GON4L: variants seen among roughly 807,000 people sequenced by gnomAD.
The protein encoded by GON4L is gon-4 like.
A neutral mutation model predicts 211.8 loss-of-function variants in GON4L; 87 were observed. That is an observed-to-expected ratio of 0.41 (90% confidence interval 0.35 to 0.49). The LOEUF (loss-of-function observed/expected upper bound fraction) is 0.49. Among genes scored for constraint, GON4L ranks in the 20% least tolerant of loss-of-function variants. GON4L has a pLI of 0.15. For missense variants in GON4L, 2,155 were observed against 2,659.5 expected, an observed-to-expected ratio of 0.81 and a Z score of 4.17; for synonymous variants, 875 against 962.6, an observed-to-expected ratio of 0.91 and a Z score of 1.68.
downstream of GON4L, chr1:155,749,540 G>C: frequency 2.9e-6 from 4 of 1,403,134 alleles, no homozygotes; most frequent in Non-Finnish European, 2.9e-6. Context: ...ATCTGCTGCT[G>C]ACTCCCTGCA....
intron 12 of GON4L, among the ~76,000 whole-genome samples, chr1:155,790,756 C>T (rs541255654): frequency 1.2e-4 from 18 of 150,868 alleles, no homozygotes; most frequent in African/African-American, 2.4e-4. Flanking sequence ...CCATCCTGGC[C>T]AACATGGTGA....
rs79155673 is a variant in GON4L, at chr1:155,856,579, G to A, written c.-27+568C>T. On this transcript the variant is annotated intron_variant, in intron 1 of 31. Transcript: ENST00000368331. ...TCCCTTCTGTTTCTCCAAGACATTA[G>A]GGGAGATTCTCCATCCCCTCAATCA... Among the ~76,000 whole-genome samples the A allele has an allele frequency of 2.1e-3, 319 of 152,128 alleles. 1 individual carries two copies. The highest frequency in any genetic ancestry group is 6.8e-3 in the Middle Eastern group (2 of 294).
chr1:155,816,733 A>G (rs887252542), intron 6 of GON4L, among the ~76,000 whole-genome samples: 4 of 132,804 alleles, frequency 3.0e-5, no homozygotes, highest in African/African-American at 1.1e-4. Context: ...TATTCTGCCT[A>G]TGGGGTAGCC....
intron 29 of GON4L, 87 bp downstream of exon 29, chr1:155,753,117 T>C (rs1660791724): frequency 2.0e-6 from 2 of 1,005,354 alleles, no homozygotes; most frequent in Non-Finnish European, 3.1e-6. Flanking sequence ...CTGAAAAGGC[T>C]ATTTATCCAG....
intron 2 of GON4L, among the ~76,000 whole-genome samples, chr1:155,837,159 T>C (rs1339704840): frequency 7.7e-6 from 1 of 129,900 alleles, no homozygotes; most frequent in African/African-American, 2.7e-5. Flanking sequence ...TCATAAATTT[T>C]CTTTTCTGCA....
At chr1:155,851,247 G>A (rs1443817210) in intron 2 of GON4L, among the ~76,000 whole-genome samples, 9 of 151,430 alleles carry the variant, frequency 5.9e-5, no homozygotes, top group Non-Finnish European at 1.0e-4. Context: ...CCAGCTACTC[G>A]GGAGGCTGAG....
At chr1:155,780,811 G>A (rs1334569703) in intron 14 of GON4L, among the ~76,000 whole-genome samples, 3 of 152,082 alleles carry the variant, frequency 2.0e-5, no homozygotes, top group African/African-American at 7.2e-5. Flanking sequence ...ACCTGCTGAT[G>A]TAGTTACAAC....
At chr1:155,821,401 G>A (rs1324882854) in intron 5 of GON4L, 73 bp downstream of exon 5, 2 of 893,528 alleles carry the variant, frequency 2.2e-6, no homozygotes, top group African/African-American at 1.6e-5. Context: ...ACTCCTAAGT[G>A]ACCTCCTACC....
chr1:155,795,046 T>C lies in GON4L; in HGVS notation c.1747+4A>G. On this transcript the variant is annotated splice_donor_region_variant and intron_variant, in intron 12 of 31. Transcript: ENST00000368331. The stretch of plus-strand genomic sequence containing the variant: ...AGCAGGACTTAGAATAAACACAGAC[T>C]CACTGGTGATTCTCACTGCCCGGTC... The C allele has an allele frequency of 6.7e-7, 1 of 1,499,060 alleles. No homozygotes were observed. Among genetic ancestry groups the C allele is most frequent in the Non-Finnish European group, 9.3e-7 (1 of 1,074,862 alleles). 92.9% of individuals were successfully genotyped at this position (1,499,060 alleles called of 1,614,324 possible).
chr1:155,788,055 G>A (rs796930239), intron 12 of GON4L, among the ~76,000 whole-genome samples: 7 of 152,118 alleles, frequency 4.6e-5, no homozygotes, highest in African/African-American at 1.7e-4. Flanking sequence ...GCGGTGGCGC[G>A]GTCTCAGCTC....
Position 155,816,230 on chromosome 1 carries a change from CT to C in GON4L, c.1046del (p.Lys349ArgfsTer61). The C allele has an allele frequency of 7.5e-7, 1 of 1,342,270 alleles. No individual in the cohort carries two copies. The highest frequency in any genetic ancestry group is 1.1e-6 in the Non-Finnish European group (1 of 934,038). The allele number at this position is 1,342,270 out of a possible 1,614,324, so 83.1% of individuals were successfully genotyped here. A position where few individuals can be genotyped will look rare whatever the true frequency, so the allele number is the denominator to read the frequency against. On this transcript the variant is annotated frameshift_variant, in exon 7 of 32. Coordinates refer to ENST00000368331, the MANE Select transcript of GON4L (RefSeq NM_001282860.2). LOFTEE classifies it high-confidence loss of function. ...AGTTTACCTTAATTTCATTGGCCTT[CT>C]TAATTGGTGAAATATTCCATGTTGG... is the stretch of plus-strand genomic sequence containing the variant. ...VIPTWNISPI[K>X]KANEIKPPQF...
intron 18 of GON4L, 21 bp downstream of exon 18, chr1:155,773,045 T>G: frequency 6.2e-7 from 1 of 1,611,612 alleles, no homozygotes; most frequent in Non-Finnish European, 8.5e-7. Flanking sequence ...GCTGTTTTGA[T>G]CCCCCAGAGT....
chr1:155,765,527 G>C lies in GON4L; in HGVS notation c.3946C>G (p.Pro1316Ala). 1 of 1,614,148 alleles carries C rather than the reference G, an allele frequency of 6.2e-7. No individual in the cohort carries two copies. Among genetic ancestry groups the C allele is most frequent in the Non-Finnish European group, 8.5e-7 (1 of 1,180,026 alleles). Residue 1316 changes from proline (P) to alanine (A), a missense_variant, in exon 21 of 32, where the codon CCT (proline) becomes GCT (alanine). Physicochemically the swap from Pro to Ala is conservative, Grantham distance 27. Coordinates refer to ENST00000368331, the MANE Select transcript of GON4L (RefSeq NM_001282860.2). ...ATTTCCTCTAAATCCCCAGGGGTAG[G>C]GTTGTTTAGAGACTCCTGGATGCCC... ...PQGIQESLNN[P>A]TPGDLEEIVK...
At chr1:155,773,344 C>G in intron 17 of GON4L, 134 bp from the exon 18 acceptor site, 3 of 965,954 alleles carry the variant, frequency 3.1e-6, no homozygotes, top group Non-Finnish European at 1.6e-6. Context: ...TGCCCACCAT[C>G]CCCCCAAAAG....
Position 155,845,718 on chromosome 1 carries a change from G to A in GON4L, c.505+7558C>T, listed in dbSNP as rs12139448. On this transcript the variant is annotated intron_variant, in intron 2 of 31. Transcript: ENST00000368331. The stretch of plus-strand genomic sequence containing the variant: ...AATGAAATCATGAAAAGATACTGCC[G>A]TAACTCAGTATTGGTCACTAGTGAC... 222 of 297,146 alleles carry A rather than the reference G, an allele frequency of 7.5e-4. 1 individual carries two copies. The highest frequency in any genetic ancestry group is 4.4e-3 in the African/African-American group (200 of 45,334). 18.4% of individuals were successfully genotyped at this position (297,146 alleles called of 1,614,324 possible).
intron 2 of GON4L, among the ~76,000 whole-genome samples, chr1:155,843,848 G>A (rs985161968): frequency 5.3e-5 from 8 of 152,074 alleles, no homozygotes; most frequent in African/African-American, 1.4e-4. Context: ...AAAAATGGAC[G>A]GCATAACTTG....
At chr1:155,820,678 G>A (rs1462744690) in intron 5 of GON4L, 22 bp from the exon 6 acceptor site, 1 of 1,573,982 alleles carries the variant, frequency 6.4e-7, no homozygotes, top group Admixed American at 1.7e-5. Context: ...AAAACAGAAA[G>A]GAAATCCTCA....
rs623440 is a variant in GON4L at position 155,752,543 on chromosome 1, C to G, written c.5890G>C (p.Val1964Leu). The G allele has an allele frequency of 1.8e-4, 295 of 1,603,804 alleles. 1 individual carries two copies. The highest frequency in any genetic ancestry group is 1.2e-3 in the African/African-American group (93 of 74,820). The stretch of plus-strand genomic sequence containing the variant: ...CCATCCAGGAGGAGCCGTTCTGTAA[C>G]AGTCACTTCTCGAGGGGATGGCAAA... Reference protein sequence around the residue: ...STLPSPREVTVTERLLLDGPP... With the variant: ...STLPSPREVTLTERLLLDGPP... Residue 1964 changes from valine (V) to leucine (L), a missense_variant, in exon 30 of 32, where the codon GTT (valine) becomes CTT (leucine). Physicochemically the swap from Val to Leu is conservative, Grantham distance 32 (BLOSUM62 1). This residue lies in a region of GON4L where 455 missense variants were observed against 504.6 expected (regional missense o/e 0.90). Transcript: ENST00000368331.
At chr1:155,814,274 A>T in intron 9 of GON4L, 56 bp downstream of exon 9, 1 of 1,522,294 alleles carries the variant, frequency 6.6e-7, no homozygotes, top group African/African-American at 1.4e-5. Context: ...TTATACAGTT[A>T]AAAAATCTAC....
Sources: gnomAD v4.1 joint callset for allele counts (sites outside exome capture counted in the v4.1 genomes callset) on GRCh38, gnomAD v4.1.1 for gene constraint, gnomAD v4.1.1 regional missense constraint, MANE v1.5 for transcripts, NCBI Gene and HGNC (gene_info 2026-07-23, HGNC 2026-07-21) for gene names.